Variants in NR3C2 observed in about 807,000 individuals in gnomAD.
NR3C2 encodes nuclear receptor subfamily 3 group C member 2, also known as mineralocorticoid receptor.
NR3C2 carries 15 observed loss-of-function variants against 86.4 expected under a neutral mutation model. The ratio of observed to expected loss-of-function variants is 0.17; its 90% CI spans 0.12 to 0.27. The LOEUF (loss-of-function observed/expected upper bound fraction) is 0.27. Ranked by LOEUF, NR3C2 falls within the 10% of genes least tolerant of loss-of-function variation. The pLI, the probability that NR3C2 is intolerant of heterozygous loss-of-function variation, is 1.00. For synonymous variants in NR3C2, 458 were observed against 450.5 expected (o/e 1.02, Z -0.21); for missense variants, 960 against 1,195.6 (o/e 0.80, Z 2.91).
intron 3 of NR3C2, among the ~76,000 whole-genome samples, chr4:148,246,033 C>T (rs1739298040): frequency 6.6e-6 from 1 of 152,092 alleles, no homozygotes; most frequent in Admixed American, 6.6e-5. Context: ...AGTGGGTACA[C>T]ACAATATGTT....
At chr4:148,139,301 G>C (rs1733500831) in intron 6 of NR3C2, among the ~76,000 whole-genome samples, 1 of 152,158 alleles carries the variant, frequency 6.6e-6, no homozygotes, top group African/African-American at 2.4e-5. Context: ...TTTGGGCTTT[G>C]GTTTCCTCAT....
chr4:148,125,048 A>G (rs542416860), intron 6 of NR3C2, among the ~76,000 whole-genome samples: 1 of 152,208 alleles, frequency 6.6e-6, no homozygotes, highest in South Asian at 2.1e-4. Context: ...CATATCTAAC[A>G]TGTATTGTTT....
At chr4:148,392,836 G>C (rs61756932) in intron 2 of NR3C2, among the ~76,000 whole-genome samples, 3 of 152,120 alleles carry the variant, frequency 2.0e-5, no homozygotes, top group Non-Finnish European at 2.9e-5. Flanking sequence ...GTAATGTAAG[G>C]CTTTCCCCTT....
intron 2 of NR3C2, among the ~76,000 whole-genome samples, chr4:148,371,392 C>A (rs1227648168): frequency 6.6e-6 from 1 of 152,092 alleles, no homozygotes; most frequent in African/African-American, 2.4e-5. Flanking sequence ...AACATTTCTC[C>A]AGTCCTGTCT....
intron 3 of NR3C2, among the ~76,000 whole-genome samples, chr4:148,214,887 A>C (rs1041770257): frequency 1.3e-5 from 2 of 152,234 alleles, no homozygotes; most frequent in Admixed American, 6.5e-5. Flanking sequence ...CAGGCCAAAC[A>C]AAACATCTTG....
At chr4:148,440,323 G>A (rs954832563) in intron 1 of NR3C2, among the ~76,000 whole-genome samples, 2 of 152,182 alleles carry the variant, frequency 1.3e-5, no homozygotes, top group African/African-American at 4.8e-5. Flanking sequence ...GGAAGCAGAG[G>A]TTATCTTTTT....
chr4:148,377,413 A>C (rs1427436109), intron 2 of NR3C2, among the ~76,000 whole-genome samples: 2 of 152,208 alleles, frequency 1.3e-5, no homozygotes, highest in Non-Finnish European at 2.9e-5. Context: ...AAAGTAGGGG[A>C]CAGCAAAGAG....
At chr4:148,407,861 T>G (rs1476271983) in intron 2 of NR3C2, among the ~76,000 whole-genome samples, 5 of 152,216 alleles carry the variant, frequency 3.3e-5, no homozygotes, top group African/African-American at 1.2e-4. Flanking sequence ...ATCCTGACTT[T>G]GAACACTAAT....
At chr4:148,336,336 G>T (rs1431230683) in intron 2 of NR3C2, among the ~76,000 whole-genome samples, 1 of 152,162 alleles carries the variant, frequency 6.6e-6, no homozygotes, top group African/African-American at 2.4e-5. Context: ...AGCTCCAGAG[G>T]TCACAGATCT....
chr4:148,116,550 T>C lies in NR3C2; in HGVS notation c.2642-2289A>G, dbSNP rs138822069. 2.2e-4 allele frequency among the ~76,000 whole-genome samples: 33 copies of C among 152,340 alleles called. No individual in the cohort carries two copies. In the East Asian group the frequency reaches 6.0e-3, roughly 28 times the overall value. On this transcript the variant is annotated intron_variant, in intron 7 of 8. Coordinates refer to ENST00000358102, the MANE Select transcript of NR3C2 (RefSeq NM_000901.5). Reference sequence around the variant, plus strand: ...CCTCTGATGTCAGTCCCGAAAAACTTTGATACACTGGATATCAGGTGTGCA... The same window carrying C: ...CCTCTGATGTCAGTCCCGAAAAACTCTGATACACTGGATATCAGGTGTGCA...
At chr4:148,107,722 C>T (rs1436849257) in intron 8 of NR3C2, among the ~76,000 whole-genome samples, 1 of 152,184 alleles carries the variant, frequency 6.6e-6, no homozygotes, top group African/African-American at 2.4e-5. Context: ...TGGAAGCCAT[C>T]ATTCTCAGCA....
At chr4:148,180,508 C>A (rs1735597643) in intron 4 of NR3C2, among the ~76,000 whole-genome samples, 1 of 152,060 alleles carries the variant, frequency 6.6e-6, no homozygotes, top group East Asian at 1.9e-4. Flanking sequence ...CTTTTTAGTT[C>A]AAAATTATGA....
intron 3 of NR3C2, among the ~76,000 whole-genome samples, chr4:148,215,780 G>GTC: frequency 7.4e-6 from 1 of 134,454 alleles, no homozygotes; most frequent in South Asian, 2.4e-4. Context: ...TTGAGGCATA[G>GTC]TTTTTTTTTT....
chr4:148,187,420 G>A (rs541430997), intron 4 of NR3C2, among the ~76,000 whole-genome samples: 1 of 152,028 alleles, frequency 6.6e-6, no homozygotes, highest in African/African-American at 2.4e-5. Context: ...AGGTGGTATT[G>A]CATTTTGGTT....
chr4:148,231,445 T>G (rs1738456005), intron 3 of NR3C2, among the ~76,000 whole-genome samples: 2 of 152,168 alleles, frequency 1.3e-5, no homozygotes, highest in Non-Finnish European at 2.9e-5. Context: ...CAGTGCATAT[T>G]ATGTTTACAC....
At chr4:148,244,783 T>G (rs983664495) in intron 3 of NR3C2, among the ~76,000 whole-genome samples, 7 of 152,222 alleles carry the variant, frequency 4.6e-5, no homozygotes, top group Non-Finnish European at 7.3e-5. Flanking sequence ...GTAAAATTGT[T>G]GCAAGTTAGA....
intron 1 of NR3C2, among the ~76,000 whole-genome samples, chr4:148,439,771 C>T (rs976288432): frequency 9.8e-5 from 15 of 152,318 alleles, no homozygotes; most frequent in African/African-American, 3.6e-4. Flanking sequence ...TACTAAGATT[C>T]TGCACTTTTC....
At chr4:148,173,232 C>T (rs1055749748) in intron 4 of NR3C2, among the ~76,000 whole-genome samples, 3 of 152,144 alleles carry the variant, frequency 2.0e-5, no homozygotes, top group Non-Finnish European at 2.9e-5. Flanking sequence ...GGAAGAATAA[C>T]GAAGACTTCA....
upstream of NR3C2, chr4:148,442,782 C>G: frequency 1.0e-6 from 1 of 985,452 alleles, no homozygotes; most frequent in Non-Finnish European, 1.2e-6. Context: ...CAGGCGGCCT[C>G]CGCACGCTGC....
Sources: allele counts gnomAD v4.1 joint callset (sites outside exome capture counted in the v4.1 genomes callset), GRCh38; gene constraint gnomAD v4.1.1; transcripts MANE v1.5; gene names NCBI Gene and HGNC (gene_info 2026-07-23, HGNC 2026-07-21).